Variants in ASPRV1 observed in about 807,000 individuals in gnomAD.
ASPRV1 encodes the protein aspartic peptidase retroviral like 1, also known as retroviral-like aspartic protease 1.
ASPRV1 carries 7 observed loss-of-function variants against 11.0 expected under a neutral mutation model. That is an observed-to-expected ratio of 0.64 (90% confidence interval 0.36 to 1.20). The LOEUF (loss-of-function observed/expected upper bound fraction) is 1.20, where lower values mean the gene tolerates loss of function less well. Ranked by LOEUF, ASPRV1 falls within the 50% of genes most tolerant of loss-of-function variation. ASPRV1 has a pLI of 0.02. For synonymous variants in ASPRV1, 136 were observed against 138.4 expected (o/e 0.98, Z 0.12); for missense variants, 299 against 320.0 (o/e 0.93, Z 0.50).
At chr2:69,954,949 C>G in the ASPRV1 span, among the ~76,000 whole-genome samples, 1 of 152,218 alleles carries the variant, frequency 6.6e-6, no homozygotes, top group African/African-American at 2.4e-5. Context: ...TCACCACAGT[C>G]CAGCTCAGAG....
the ASPRV1 span, among the ~76,000 whole-genome samples, chr2:69,954,305 C>A: frequency 2.0e-5 from 3 of 152,200 alleles, no homozygotes; most frequent in Non-Finnish European, 2.9e-5. Flanking sequence ...TCCTTTGCAG[C>A]ACTGCCCACT....
the ASPRV1 span, among the ~76,000 whole-genome samples, chr2:69,992,776 C>CT: frequency 6.6e-6 from 1 of 152,144 alleles, no homozygotes; most frequent in Admixed American, 6.5e-5. Context: ...TATCCTCCCC[C>CT]TTTGGGAGAA....
At chr2:70,017,851 C>T in the ASPRV1 span, among the ~76,000 whole-genome samples, 3 of 152,002 alleles carry the variant, frequency 2.0e-5, no homozygotes, top group Non-Finnish European at 4.4e-5. Flanking sequence ...AAAAATACTT[C>T]GGAATAGGCT....
At chr2:70,063,342 G>A in the ASPRV1 span, among the ~76,000 whole-genome samples, 1 of 152,120 alleles carries the variant, frequency 6.6e-6, no homozygotes, top group Non-Finnish European at 1.5e-5. Context: ...CAGTCTTCCA[G>A]TACTTTTTGC....
the ASPRV1 span, among the ~76,000 whole-genome samples, chr2:70,014,887 A>G: frequency 1.3e-5 from 2 of 152,146 alleles, no homozygotes; most frequent in African/African-American, 4.8e-5. Context: ...TATATCTGAA[A>G]AGGATTTACT....
the ASPRV1 span, among the ~76,000 whole-genome samples, chr2:70,084,762 T>C: frequency 2.0e-5 from 3 of 152,160 alleles, no homozygotes; most frequent in Non-Finnish European, 2.9e-5. Context: ...TTCTTAGTGG[T>C]TTTTTTAAAA....
rs202124158 is a variant in ASPRV1, at chr2:69,960,811, T to C, written c.626A>G (p.Asn209Ser). 6.2e-6 allele frequency: 10 copies of C among 1,614,088 alleles called. No homozygotes were observed. The highest frequency in any genetic ancestry group is 4.5e-5 in the East Asian group (2 of 44,870). The change falls in exon 1 of 1, where the codon AAT becomes AGT. Residue 209 changes from asparagine to serine, a missense_variant. Coordinates refer to ENST00000320256, the MANE Select transcript of ASPRV1 (RefSeq NM_152792.4). ...IIGTDVLQDH[N>S]AILDFEHRTC... ...GCGGTGCTCAAAGTCCAGGATAGCATTGTGGTCCTGGAGCACATCAGTGCC... is the reference window on the plus strand; with the variant it reads ...GCGGTGCTCAAAGTCCAGGATAGCACTGTGGTCCTGGAGCACATCAGTGCC...
chr2:69,939,948 C>T, the ASPRV1 span: 3 of 152,304 alleles, frequency 2.0e-5, no homozygotes, highest in Non-Finnish European at 2.9e-5. Context: ...ATTCTATACC[C>T]GAAGAGCAGT....
chr2:70,036,195 C>T, the ASPRV1 span, among the ~76,000 whole-genome samples: 8 of 151,976 alleles, frequency 5.3e-5, no homozygotes, highest in South Asian at 4.2e-4. Flanking sequence ...AAGAGACACC[C>T]TGTTACTTGA....
chr2:69,973,078 T>C, the ASPRV1 span, among the ~76,000 whole-genome samples: 19 of 152,096 alleles, frequency 1.2e-4, no homozygotes, highest in African/African-American at 4.1e-4. Flanking sequence ...ATGAGCTCTC[T>C]GGGGAAAATG....
chr2:70,011,469 G>A, the ASPRV1 span, among the ~76,000 whole-genome samples: 2 of 152,110 alleles, frequency 1.3e-5, no homozygotes, highest in African/African-American at 4.8e-5. Context: ...TTAGGAGGCA[G>A]AACTGATAGG....
chr2:69,995,021 T>C, the ASPRV1 span, among the ~76,000 whole-genome samples: 1 of 149,228 alleles, frequency 6.7e-6, no homozygotes, highest in South Asian at 2.1e-4. Context: ...ATAAATAAAT[T>C]AATTAATTAA....
the ASPRV1 span, chr2:69,943,027 T>A: frequency 6.6e-6 from 1 of 152,244 alleles, no homozygotes; most frequent in Non-Finnish European, 1.5e-5. Flanking sequence ...GATTTCTTTT[T>A]TTCTTTTAAT....
chr2:70,010,497 G>A, the ASPRV1 span, among the ~76,000 whole-genome samples: 3 of 152,144 alleles, frequency 2.0e-5, no homozygotes, highest in African/African-American at 7.2e-5. Flanking sequence ...AGCAGTTCAA[G>A]CTGATGACAA....
At chr2:70,035,949 C>G in the ASPRV1 span, among the ~76,000 whole-genome samples, 1 of 151,742 alleles carries the variant, frequency 6.6e-6, no homozygotes, top group Admixed American at 6.5e-5. Context: ...TACTTTCATG[C>G]TTTTACTGTA....
the ASPRV1 span, among the ~76,000 whole-genome samples, chr2:69,945,688 G>A: frequency 6.6e-6 from 1 of 152,222 alleles, no homozygotes; most frequent in African/African-American, 2.4e-5. Context: ...GTGAAGGCAG[G>A]CTAGGGATGT....
the ASPRV1 span, among the ~76,000 whole-genome samples, chr2:70,011,445 G>A: frequency 1.4e-4 from 22 of 152,084 alleles, no homozygotes; most frequent in Admixed American, 1.3e-3. Context: ...AGCAGGGAGA[G>A]ATTGGGAAAA....
the ASPRV1 span, chr2:70,083,683 C>G: frequency 4.6e-5 from 7 of 152,142 alleles, no homozygotes; most frequent in Admixed American, 3.3e-4. Context: ...CAAGATAATG[C>G]AGGTCTGAGG....
At chr2:69,942,837 A>AG in the ASPRV1 span, 148 of 152,338 alleles carry the variant, frequency 9.7e-4, no homozygotes, top group African/African-American at 3.3e-3. Flanking sequence ...TACAGTTAGC[A>AG]CATGCATTTT....
Sources: allele counts gnomAD v4.1 joint callset (sites outside exome capture counted in the v4.1 genomes callset), GRCh38; gene constraint gnomAD v4.1.1; transcripts MANE v1.5; gene names NCBI Gene and HGNC (gene_info 2026-07-23, HGNC 2026-07-21).